Variants in CACNB4 observed in about 807,000 individuals in gnomAD.
CACNB4 encodes the protein calcium voltage-gated channel auxiliary subunit beta 4, also known as voltage-dependent L-type calcium channel subunit beta-4.
In CACNB4, 32 loss-of-function variants were observed where a neutral mutation model predicts 71.2. That is an observed-to-expected ratio of 0.45 (90% CI 0.34 to 0.60). The LOEUF (loss-of-function observed/expected upper bound fraction) is 0.60, where lower values mean the gene tolerates loss of function less well. Ranked by LOEUF, CACNB4 falls within the 20% of genes least tolerant of loss-of-function variation. The pLI, the probability that CACNB4 is intolerant of heterozygous loss-of-function variation, is 0.01. For synonymous variants in CACNB4, 231 were observed against 236.9 expected, an observed-to-expected ratio of 0.97 and a Z score of 0.23; for missense variants, 464 against 647.9, an observed-to-expected ratio of 0.72 and a Z score of 3.08.
At chr2:151,882,863 G>T (rs2099848303) in intron 3 of CACNB4, 1 of 278,998 alleles carries the variant, frequency 3.6e-6, no homozygotes, top group Non-Finnish European at 7.0e-6. Flanking sequence ...AAACAAACAG[G>T]GCGATCCACA....
At chr2:152,077,327 C>T (rs1412407362) in intron 2 of CACNB4, among the ~76,000 whole-genome samples, 1 of 152,150 alleles carries the variant, frequency 6.6e-6, no homozygotes, top group Non-Finnish European at 1.5e-5. Context: ...GGCCGAGGCA[C>T]ATGGATCATG....
chr2:152,050,660 G>A (rs1354294823), intron 2 of CACNB4, among the ~76,000 whole-genome samples: 1 of 152,086 alleles, frequency 6.6e-6, no homozygotes, highest in East Asian at 1.9e-4. Context: ...AGGCTGCAGT[G>A]AGCCATGATT....
In CACNB4 at chr2:151,833,104, A is replaced by G. The variant is rs974048909; in HGVS notation, c.*6015T>C. ...ATAACTAAAATTTAAAGAAAGAAAAAAAATTATTTGACAAAGGCATTTTTT... is the reference window on the plus strand; with the variant it reads ...ATAACTAAAATTTAAAGAAAGAAAAGAAATTATTTGACAAAGGCATTTTTT... On this transcript the variant is annotated 3_prime_UTR_variant, in exon 14 of 14. Coordinates refer to ENST00000539935, the MANE Select transcript of CACNB4 (RefSeq NM_000726.5). 6.6e-5 allele frequency: 10 copies of G among 152,154 alleles called. No homozygotes were observed. The highest frequency in any genetic ancestry group is 5.2e-4 in the Admixed American group (8 of 15,270). The allele number at this position is 152,154 out of a possible 1,614,324, so 9.4% of individuals were successfully genotyped here. A position where few individuals can be genotyped will look rare whatever the true frequency, so the allele number is the denominator to read the frequency against.
chr2:152,043,583 G>C (rs1684985591), intron 2 of CACNB4, among the ~76,000 whole-genome samples: 1 of 152,114 alleles, frequency 6.6e-6, no homozygotes, highest in Non-Finnish European at 1.5e-5. Context: ...ACCTCCCAAA[G>C]TGCTGGGATT....
intron 2 of CACNB4, among the ~76,000 whole-genome samples, chr2:151,915,847 C>CAA (rs143625402): frequency 1.5e-4 from 12 of 81,988 alleles, no homozygotes; most frequent in East Asian, 7.0e-4. Context: ...AGCTCCATCT[C>CAA]AAAAAAAAAA....
At chr2:151,886,019 C>A (rs1175969435) in intron 2 of CACNB4, among the ~76,000 whole-genome samples, 1 of 152,068 alleles carries the variant, frequency 6.6e-6, no homozygotes, top group Non-Finnish European at 1.5e-5. Context: ...TGTCATGTTG[C>A]CCAGGCTGGT....
At chr2:151,887,144 G>T (rs1046209156) in intron 2 of CACNB4, among the ~76,000 whole-genome samples, 1 of 152,156 alleles carries the variant, frequency 6.6e-6, no homozygotes, top group Non-Finnish European at 1.5e-5. Flanking sequence ...AAGACGTAAA[G>T]GTTACTAGGC....
intron 2 of CACNB4, among the ~76,000 whole-genome samples, chr2:151,925,098 C>A (rs1292486935): frequency 6.6e-6 from 1 of 152,124 alleles, no homozygotes; most frequent in Admixed American, 6.5e-5. Context: ...TTCTTTGTAT[C>A]CCCAGCACCC....
chr2:152,007,209 A>G (rs1682780363), intron 2 of CACNB4, among the ~76,000 whole-genome samples: 1 of 152,228 alleles, frequency 6.6e-6, no homozygotes, highest in Non-Finnish European at 1.5e-5. Context: ...GAAAATATGC[A>G]TAACAAAATG....
chr2:151,908,822 T>C (rs2099855440), intron 2 of CACNB4, among the ~76,000 whole-genome samples: 1 of 152,070 alleles, frequency 6.6e-6, no homozygotes, highest in African/African-American at 2.4e-5. Flanking sequence ...CAGGACTAGG[T>C]TTCTGAAGCA....
intron 9 of CACNB4, among the ~76,000 whole-genome samples, chr2:151,865,063 T>C (rs2099842719): frequency 6.6e-6 from 1 of 152,258 alleles, no homozygotes. Flanking sequence ...TTTGAGTGGC[T>C]GTTTATGAGT....
At chr2:152,042,433 T>C (rs1207473256) in intron 2 of CACNB4, among the ~76,000 whole-genome samples, 2 of 152,162 alleles carry the variant, frequency 1.3e-5, no homozygotes, top group Non-Finnish European at 2.9e-5. Context: ...GTCTGGACCT[T>C]TCGGGCCTCT....
At chr2:151,908,987 G>A (rs567128048) in intron 2 of CACNB4, among the ~76,000 whole-genome samples, 1 of 150,966 alleles carries the variant, frequency 6.6e-6, no homozygotes, top group African/African-American at 2.4e-5. Context: ...AAGGGAACAG[G>A]TGTTATGCTT....
At chr2:152,082,613 G>A (rs1687423523) in intron 2 of CACNB4, among the ~76,000 whole-genome samples, 1 of 152,176 alleles carries the variant, frequency 6.6e-6, no homozygotes. Flanking sequence ...TGGAATCTTA[G>A]AGGTTACCTA....
chr2:152,080,461 G>A (rs1026798822), intron 2 of CACNB4, among the ~76,000 whole-genome samples: 1 of 152,010 alleles, frequency 6.6e-6, no homozygotes, highest in Non-Finnish European at 1.5e-5. Flanking sequence ...TGAGAACATG[G>A]GAGAAGTTTC....
rs758502581 is a variant in CACNB4 at position 151,973,641 on chromosome 2, G to C, written c.148-90271C>G. 3 of 1,605,042 alleles carry C rather than the reference G, an allele frequency of 1.9e-6. No homozygotes were observed. In the South Asian group the frequency reaches 3.3e-5, roughly 18 times the overall value. On this transcript the variant is annotated intron_variant, in intron 2 of 13. Coordinates refer to ENST00000539935, the MANE Select transcript of CACNB4 (RefSeq NM_000726.5). ...TGGGAGGAGGAAGAGGAGGGGAGAG[G>C]GAATTAGCTATCTATGAAAATACTT...
At chr2:152,055,947 C>T (rs1685699997) in intron 2 of CACNB4, among the ~76,000 whole-genome samples, 2 of 152,170 alleles carry the variant, frequency 1.3e-5, no homozygotes, top group Admixed American at 1.3e-4. Flanking sequence ...ATCACCTCCT[C>T]ACATGGTTTC....
chr2:152,091,151 C>A (rs1560194254), intron 2 of CACNB4, among the ~76,000 whole-genome samples: 1 of 152,094 alleles, frequency 6.6e-6, no homozygotes, highest in East Asian at 1.9e-4. Context: ...AATTAGATTT[C>A]TTTCTTCATA....
chr2:151,957,165 G>T (rs2099868467), intron 2 of CACNB4, among the ~76,000 whole-genome samples: 1 of 151,228 alleles, frequency 6.6e-6, no homozygotes, highest in Non-Finnish European at 1.5e-5. Flanking sequence ...AAAAAAGAAA[G>T]AATATAGGCC....
Sources: gnomAD v4.1 joint callset for allele counts (sites outside exome capture counted in the v4.1 genomes callset) on GRCh38, gnomAD v4.1.1 for gene constraint, MANE v1.5 for transcripts, NCBI Gene and HGNC (gene_info 2026-07-23, HGNC 2026-07-21) for gene names.